Variants in LRRK1 observed in about 807,000 individuals in gnomAD.
LRRK1 encodes leucine rich repeat kinase 1, also known as leucine-rich repeat serine/threonine-protein kinase 1.
In LRRK1, 113 loss-of-function variants were observed where a neutral mutation model predicts 209.1. The observed-to-expected ratio is 0.54, with a 90% CI of 0.46 to 0.63. The LOEUF (loss-of-function observed/expected upper bound fraction) is 0.63, where lower values mean the gene tolerates loss of function less well. Ranked by LOEUF, LRRK1 falls within the 30% of genes least tolerant of loss-of-function variation. LRRK1 has a pLI of 0.00. For synonymous variants in LRRK1, 1,144 were observed against 1,099.7 expected, an observed-to-expected ratio of 1.04 and a Z score of -0.80; for missense variants, 2,284 against 2,632.2, an observed-to-expected ratio of 0.87 and a Z score of 2.89.
intron 29 of LRRK1, among the ~76,000 whole-genome samples, chr15:101,060,182 G>C (rs370886333): frequency 6.6e-6 from 1 of 152,286 alleles, no homozygotes; most frequent in East Asian, 1.9e-4. Context: ...GGATGGAACC[G>C]GACTTGACTT....
intron 20 of LRRK1, among the ~76,000 whole-genome samples, chr15:101,034,038 A>G (rs769782888): frequency 5.7e-4 from 87 of 152,132 alleles, no homozygotes; most frequent in Non-Finnish European, 1.1e-3. Context: ...CATTTTTCAT[A>G]TACCTGTTGG....
At position 101,024,568 on chromosome 15, in the gene LRRK1, C is replaced by G. The variant is rs1280935476; in HGVS notation, c.2068-235C>G. Reference sequence around the variant, plus strand: ...CTCTGAAGTCTGTCCAGGGCCTGGTCTCTGCTCTGCTAGGAGTAGACAGAA... The same window carrying G: ...CTCTGAAGTCTGTCCAGGGCCTGGTGTCTGCTCTGCTAGGAGTAGACAGAA... On this transcript the variant is annotated intron_variant, in intron 15 of 33. Transcript: ENST00000388948. The surrounding 1 kb of genome is among the most constrained non-coding windows in gnomAD (Gnocchi z 4.6). Among the ~76,000 whole-genome samples, 1 of 152,218 alleles carries G rather than the reference C, an allele frequency of 6.6e-6. No individual in the cohort carries two copies. The highest frequency in any genetic ancestry group is 2.4e-5 in the African/African-American group (1 of 41,442).
At chr15:100,929,976 G>A (rs1448534773) in intron 2 of LRRK1, among the ~76,000 whole-genome samples, 1 of 152,250 alleles carries the variant, frequency 6.6e-6, no homozygotes, top group South Asian at 2.1e-4. Context: ...GCCAGCTACA[G>A]ATGCTCCAGG....
rs2034070308 is a variant in LRRK1, at chr15:101,027,206, C to T, written c.2406-55C>T. 3 of 1,599,592 alleles carry T rather than the reference C, an allele frequency of 1.9e-6. No individual in the cohort carries two copies. The highest frequency in any genetic ancestry group is 2.6e-6 in the Non-Finnish European group (3 of 1,171,646). Reference sequence around the variant, plus strand: ...ACCTCTCAGGGAAACAGAGAAGCAGCAGCGCTTCCTCGGAGTGGGGCATGA... The same window carrying T: ...ACCTCTCAGGGAAACAGAGAAGCAGTAGCGCTTCCTCGGAGTGGGGCATGA... On this transcript the variant is annotated intron_variant, in intron 17 of 33. Transcript: ENST00000388948. This position sits in a 1 kb window ranked among gnomAD's most constrained non-coding sequence, Gnocchi z 5.1.
At chr15:100,960,276 G>GCTT (rs2042849773) in intron 2 of LRRK1, among the ~76,000 whole-genome samples, 1 of 27,220 alleles carries the variant, frequency 3.7e-5, no homozygotes, top group Non-Finnish European at 7.0e-5. Context: ...CGTTCATATT[G>GCTT]CTTTTTTTTT....
Position 101,022,042 on chromosome 15 carries a change from A to T in LRRK1, c.1852+85A>T. Reference sequence around the variant, plus strand: ...CTTGTTAAGTTCTGGGGGTGGAGACAGTTGGTGACCCATGGAGCCCAGCTC... The same window carrying T: ...CTTGTTAAGTTCTGGGGGTGGAGACTGTTGGTGACCCATGGAGCCCAGCTC... On this transcript the variant is annotated intron_variant, in intron 14 of 33. Coordinates refer to ENST00000388948, the MANE Select transcript of LRRK1 (RefSeq NM_024652.6). This position sits in a 1 kb window ranked among gnomAD's most constrained non-coding sequence, Gnocchi z 4.0. 4.1e-6 allele frequency: 4 copies of T among 964,080 alleles called. No homozygotes were observed. Among genetic ancestry groups the T allele is most frequent in the Non-Finnish European group, 6.3e-6 (4 of 631,624 alleles). 59.7% of individuals were successfully genotyped at this position (964,080 alleles called of 1,614,324 possible). A position where few individuals can be genotyped will look rare whatever the true frequency, so the allele number is the denominator to read the frequency against.
Position 101,076,084 on chromosome 15 carries a change from TA to T in LRRK1, c.*7237del, listed in dbSNP as rs1596377195. The T allele has an allele frequency of 6.6e-6, 1 of 152,304 alleles. No homozygotes were observed. The highest frequency in any genetic ancestry group is 2.1e-4 in the South Asian group (1 of 4,822). 9.4% of individuals were successfully genotyped at this position (152,304 alleles called of 1,614,324 possible). Reference sequence around the variant, plus strand: ...AACTCCTTTCCTTCCTAGGCATGGTTAGTGCAGTCAGAATTCTTACACAAGA... The same window carrying T: ...AACTCCTTTCCTTCCTAGGCATGGTTGTGCAGTCAGAATTCTTACACAAGA... On this transcript the variant is annotated 3_prime_UTR_variant, in exon 34 of 34. Coordinates refer to ENST00000388948, the MANE Select transcript of LRRK1 (RefSeq NM_024652.6).
Position 101,010,654 on chromosome 15 carries a change from GTCT to G in LRRK1, c.1118-18_1118-16del. ...ATATTTTTACCAATTCATACTTTGG[GTCT>G]TTTTTTTTTTTTTTAGCCACTAACT... is the stretch of plus-strand genomic sequence containing the variant. On this transcript the variant is annotated splice_polypyrimidine_tract_variant and intron_variant, in intron 8 of 33. Transcript: ENST00000388948. The G allele has an allele frequency of 6.7e-7, 1 of 1,484,624 alleles. No individual in the cohort carries two copies. The highest frequency in any genetic ancestry group is 8.8e-7 in the Non-Finnish European group (1 of 1,132,384). 92.0% of individuals were successfully genotyped at this position (1,484,624 alleles called of 1,614,324 possible).
Position 101,065,878 on chromosome 15 carries a change from C to A in LRRK1, c.5441C>A (p.Ala1814Glu). 1 of 1,614,164 alleles carries A rather than the reference C, an allele frequency of 6.2e-7. No homozygotes were observed. Among genetic ancestry groups the A allele is most frequent in the African/African-American group, 1.3e-5 (1 of 75,032 alleles). Residue 1814 changes from alanine (A) to glutamate (E), a missense_variant, in exon 32 of 34, where the codon GCG (alanine) becomes GAG (glutamate). Transcript: ENST00000388948. ...AAGGTGCCTGAGGGGGACTCCATCG[C>A]GGACGTGAGCATCATGTACAGTGAG... Reference protein sequence around the residue: ...NPKVPEGDSIADVSIMYSEEL... With the variant: ...NPKVPEGDSIEDVSIMYSEEL...
At position 100,973,863 on chromosome 15, in the gene LRRK1, C is replaced by T; in HGVS notation, c.157C>T (p.Arg53Cys). Residue 53 changes from arginine to cysteine, a missense_variant, in exon 3 of 34, where the codon CGC (arginine) becomes TGC (cysteine). Coordinates refer to ENST00000388948, the MANE Select transcript of LRRK1 (RefSeq NM_024652.6). ...GGGCGGTGACCCTGCAGCGCGGTCC[C>T]GCAGGACGGAAGGCATCCGCGCCGC... ...TRGGDPAARS[R>C]RTEGIRAAYR... is the part of the protein sequence containing the mutation. 2.3e-6 allele frequency: 3 copies of T among 1,290,210 alleles called. No homozygotes were observed. Among genetic ancestry groups the T allele is most frequent in the African/African-American group, 1.5e-5 (1 of 64,862 alleles). The allele number at this position is 1,290,210 out of a possible 1,614,324, so 79.9% of individuals were successfully genotyped here.
intron 6 of LRRK1, among the ~76,000 whole-genome samples, chr15:100,995,655 C>T (rs1460753388): frequency 5.3e-5 from 8 of 152,096 alleles, no homozygotes; most frequent in Non-Finnish European, 1.2e-4. Flanking sequence ...TTGTCACACC[C>T]AGAAAGGAAC....
At position 100,973,922 on chromosome 15, in the gene LRRK1, C is replaced by A; in HGVS notation, c.216C>A (p.Asp72Glu). ...GGGGAGACCGCGGCGGCGCCCGGGA[C>A]CTGCTGGAGGAGGCCTGCGACCAGT... ...YRRGDRGGAR[D>E]LLEEACDQCA... Residue 72 changes from aspartate (D) to glutamate (E), a missense_variant, in exon 3 of 34, where the codon GAC (aspartate) becomes GAA (glutamate). Physicochemically the swap from Asp to Glu is conservative, Grantham distance 45. This residue lies in a region of LRRK1 where 174 missense variants were observed against 133.5 expected (regional missense o/e 1.30). Coordinates refer to ENST00000388948, the MANE Select transcript of LRRK1 (RefSeq NM_024652.6). 7.9e-7 allele frequency: 1 copy of A among 1,265,108 alleles called. No individual in the cohort carries two copies. The highest frequency in any genetic ancestry group is 1.0e-6 in the Non-Finnish European group (1 of 999,630). 78.4% of individuals were successfully genotyped at this position (1,265,108 alleles called of 1,614,324 possible).
intron 10 of LRRK1, among the ~76,000 whole-genome samples, chr15:101,013,503 C>G (rs1055914764): frequency 1.3e-5 from 2 of 152,116 alleles, no homozygotes; most frequent in Non-Finnish European, 2.9e-5. Context: ...ACTCCCAGCA[C>G]TTTGCGAGGC....
intron 2 of LRRK1, among the ~76,000 whole-genome samples, chr15:100,956,455 C>CTTTTCTTTTCT (rs2042760510): frequency 3.3e-5 from 2 of 60,528 alleles, no homozygotes; most frequent in African/African-American, 1.7e-4. Context: ...TTTTTTTTTT[C>CTTTTCTTTTCT]TTTTTTTTTT....
intron 3 of LRRK1, among the ~76,000 whole-genome samples, chr15:100,976,624 C>T (rs537007416): frequency 6.6e-6 from 1 of 152,318 alleles, no homozygotes; most frequent in South Asian, 2.1e-4. Context: ...TCTGAAAATG[C>T]TTGTCAAATT....
chr15:100,940,872 G>A (rs532499257), intron 2 of LRRK1, among the ~76,000 whole-genome samples: 1 of 152,210 alleles, frequency 6.6e-6, no homozygotes, highest in Non-Finnish European at 1.5e-5. Context: ...TGTGTGATTT[G>A]TGTAGGTTTG....
Position 101,073,475 on chromosome 15 carries a change from G to C in LRRK1, c.*4627G>C, listed in dbSNP as rs1258990557. ...CTACCCCTTCTCCGCCTTTCTGGGGGGCAAGAAACCCCCAACCCCTTCTCC... is the reference window on the plus strand; with the variant it reads ...CTACCCCTTCTCCGCCTTTCTGGGGCGCAAGAAACCCCCAACCCCTTCTCC... On this transcript the variant is annotated 3_prime_UTR_variant, in exon 34 of 34. Transcript: ENST00000388948. 1 of 150,636 alleles carries C rather than the reference G, an allele frequency of 6.6e-6. No homozygotes were observed. 9.3% of individuals were successfully genotyped at this position (150,636 alleles called of 1,614,324 possible).
chr15:100,975,063 A>C (rs12915954), intron 3 of LRRK1, among the ~76,000 whole-genome samples: 1 of 152,112 alleles, frequency 6.6e-6, no homozygotes, highest in Non-Finnish European at 1.5e-5. Flanking sequence ...TGTTAAGCAG[A>C]AGGAAGGCAT....
chr15:101,060,025 A>C (rs2036065743), intron 29 of LRRK1, among the ~76,000 whole-genome samples: 1 of 152,164 alleles, frequency 6.6e-6, no homozygotes, highest in Admixed American at 6.5e-5. Context: ...CAGGGCTCTG[A>C]AGACTCATCC....
Sources: gnomAD v4.1 joint callset for allele counts (sites outside exome capture counted in the v4.1 genomes callset) on GRCh38, gnomAD v4.1.1 for gene constraint, gnomAD v4.1.1 regional missense constraint, Gnocchi (gnomAD v3.1) non-coding constraint, MANE v1.5 for transcripts, NCBI Gene and HGNC (gene_info 2026-07-23, HGNC 2026-07-21) for gene names.